HERC6: variants seen among roughly 807,000 people sequenced by gnomAD.
HERC6 encodes HECT and RLD domain containing E3 ubiquitin protein ligase family member 6, also known as probable E3 ubiquitin-protein ligase HERC6.
Under a neutral mutation model 114.5 loss-of-function variants are expected in HERC6, and 101 were observed. The ratio of observed to expected loss-of-function variants is 0.88; its 90% CI spans 0.75 to 1.04. The LOEUF (loss-of-function observed/expected upper bound fraction) is 1.04. Among genes scored for constraint, HERC6 ranks in the 50% least tolerant of loss-of-function variants. The pLI is 0.00. For synonymous variants in HERC6, 408 were observed against 436.2 expected (o/e 0.94, Z 0.81); for missense variants, 1,133 against 1,230.9 (o/e 0.92, Z 1.19).
chr4:88,428,050 C>A (rs778157186), intron 15 of HERC6, among the ~76,000 whole-genome samples: 1 of 152,276 alleles, frequency 6.6e-6, no homozygotes, highest in South Asian at 2.1e-4. Context: ...AATGAGGCCA[C>A]CTGTGGCATA....
At chr4:88,402,141 C>A (rs1735577684) in intron 8 of HERC6, among the ~76,000 whole-genome samples, 1 of 152,144 alleles carries the variant, frequency 6.6e-6, no homozygotes, top group South Asian at 2.1e-4. Context: ...TCTTGGACTG[C>A]AGGTTTTACT....
intron 12 of HERC6, among the ~76,000 whole-genome samples, chr4:88,415,688 C>T (rs925455078): frequency 6.6e-6 from 1 of 152,078 alleles, no homozygotes; most frequent in Non-Finnish European, 1.5e-5. Flanking sequence ...GAGATTGTGC[C>T]GGTTTTTGTA....
chr4:88,422,628 A>G (rs533743558), intron 13 of HERC6, among the ~76,000 whole-genome samples: 1 of 152,194 alleles, frequency 6.6e-6, no homozygotes, highest in Non-Finnish European at 1.5e-5. Context: ...CAAAGATTCC[A>G]TTTGCTGATA....
chr4:88,410,729 A>C (rs1736053200), intron 11 of HERC6, among the ~76,000 whole-genome samples: 2 of 152,192 alleles, frequency 1.3e-5, no homozygotes, highest in Non-Finnish European at 2.9e-5. Context: ...TCAGATGAAG[A>C]GGCTCCCTGA....
At chr4:88,413,012 G>A (rs908098938) in intron 11 of HERC6, 65 bp from the exon 12 acceptor site, 2 of 1,168,628 alleles carry the variant, frequency 1.7e-6, no homozygotes, top group African/African-American at 3.1e-5. Context: ...TTCACAGCTT[G>A]CTTCTCACAA....
intron 2 of HERC6, among the ~76,000 whole-genome samples, chr4:88,384,702 G>A (rs1734486511): frequency 6.6e-6 from 1 of 152,096 alleles, no homozygotes. Flanking sequence ...ACCTCTTTGA[G>A]TTCCATTAGA....
chr4:88,412,888 C>T (rs1488624809), intron 11 of HERC6, among the ~76,000 whole-genome samples, 189 bp from the exon 12 acceptor site: 1 of 152,188 alleles, frequency 6.6e-6, no homozygotes, highest in African/African-American at 2.4e-5. Context: ...GGATGGCTCT[C>T]ATGTACTATA....
rs1191764799 is a variant in HERC6, at chr4:88,405,743, G to A, written c.1274+130G>A. On this transcript the variant is annotated intron_variant, in intron 10 of 22. Transcript: ENST00000264346. ...AAGTCCAACACAGAGAACTCTGTAG[G>A]TTGTTATAGAATTCTTTCATTTTAT... 5 of 429,330 alleles carry A rather than the reference G, an allele frequency of 1.2e-5. No individual in the cohort carries two copies. The Admixed American group carries it at 1.3e-4, about 11-fold the overall frequency. The allele number at this position is 429,330 out of a possible 1,614,324, so 26.6% of individuals were successfully genotyped here.
intron 4 of HERC6, among the ~76,000 whole-genome samples, chr4:88,392,818 G>A (rs997828105): frequency 5.3e-5 from 8 of 152,172 alleles, no homozygotes; most frequent in Non-Finnish European, 8.8e-5. Flanking sequence ...ATTTGAAGAC[G>A]CTCTTCTAGC....
intron 5 of HERC6, among the ~76,000 whole-genome samples, 179 bp downstream of exon 5, chr4:88,393,761 G>C (rs553837220): frequency 1.3e-5 from 2 of 152,332 alleles, no homozygotes; most frequent in Admixed American, 1.3e-4. Flanking sequence ...TGGAGGCTGG[G>C]AAGTCCAAAA....
At chr4:88,432,125 C>A (rs997701709) in intron 17 of HERC6, among the ~76,000 whole-genome samples, 16 of 152,108 alleles carry the variant, frequency 1.1e-4, no homozygotes, top group Non-Finnish European at 2.1e-4. Context: ...GGAAATTCCA[C>A]TCATAAGTAT....
intron 1 of HERC6, among the ~76,000 whole-genome samples, chr4:88,382,769 C>G (rs930357974): frequency 2.0e-5 from 3 of 152,128 alleles, no homozygotes; most frequent in African/African-American, 7.2e-5. Flanking sequence ...TTCCAGGAAG[C>G]AAGACAAAGA....
intron 1 of HERC6, among the ~76,000 whole-genome samples, chr4:88,379,694 A>C (rs1258425098): frequency 9.1e-6 from 1 of 110,214 alleles, no homozygotes; most frequent in Admixed American, 1.4e-4. Context: ...ACAAATATAT[A>C]ATATATAAAT....
intron 9 of HERC6, 98 bp from the exon 10 acceptor site, chr4:88,405,456 T>G (rs17014130): frequency 0.014 from 7,887 of 559,768 alleles, 521 homozygotes; most frequent in African/African-American, 0.14. Flanking sequence ...CATTAATAAT[T>G]ATTCCACGTC....
intron 11 of HERC6, 42 bp from the exon 12 acceptor site, chr4:88,413,035 A>G: frequency 7.1e-7 from 1 of 1,410,650 alleles, no homozygotes; most frequent in South Asian, 1.3e-5. Flanking sequence ...CTCTGTATCT[A>G]ATATATCCTG....
At chr4:88,422,756 G>C (rs746341097) in intron 13 of HERC6, among the ~76,000 whole-genome samples, 1 of 152,044 alleles carries the variant, frequency 6.6e-6, no homozygotes, top group Non-Finnish European at 1.5e-5. Flanking sequence ...GAAATTATTT[G>C]GGGAATATTC....
chr4:88,408,199 G>A (rs938877314), intron 10 of HERC6, among the ~76,000 whole-genome samples: 3 of 152,110 alleles, frequency 2.0e-5, no homozygotes, highest in Non-Finnish European at 2.9e-5. Flanking sequence ...GTGGGGGGTA[G>A]GTAGTTCTAG....
chr4:88,442,176 T>A, intron 22 of HERC6, 58 bp from the exon 23 acceptor site: 1 of 1,250,256 alleles, frequency 8.0e-7, no homozygotes, highest in Admixed American at 2.0e-5. Flanking sequence ...ATTTCTTCCT[T>A]TTCATTATGT....
chr4:88,395,709 AG>A (rs1284366689), intron 5 of HERC6, among the ~76,000 whole-genome samples: 3 of 151,912 alleles, frequency 2.0e-5, no homozygotes, highest in Admixed American at 6.6e-5. Context: ...ATTTGTGTAG[AG>A]ATTGGGTCTT....
Sources: allele counts gnomAD v4.1 joint callset (sites outside exome capture counted in the v4.1 genomes callset), GRCh38; gene constraint gnomAD v4.1.1; transcripts MANE v1.5; gene names NCBI Gene and HGNC (gene_info 2026-07-23, HGNC 2026-07-21).